The following GPR63 variants were observed in gnomAD, a reference collection of about 807,000 sequenced individuals.
GPR63 encodes G protein-coupled receptor 63.
In GPR63, 12 loss-of-function variants were observed where a neutral mutation model predicts 23.1. The ratio of observed to expected loss-of-function variants is 0.52; its 90% CI spans 0.33 to 0.84. The LOEUF (loss-of-function observed/expected upper bound fraction) is 0.84. GPR63 is among the 40% of genes least tolerant of loss of function. The probability of loss-of-function intolerance (pLI) is 0.02; values close to 1 mark genes in which losing one functional copy is unlikely to be tolerated. For missense variants in GPR63, 472 were observed against 515.6 expected (o/e 0.92, Z 0.82); for synonymous variants, 172 against 191.1 (o/e 0.90, Z 0.82).
chr6:96,805,095 T>TAC (rs1030454730), intron 1 of GPR63, among the ~76,000 whole-genome samples: 3 of 152,068 alleles, frequency 2.0e-5, no homozygotes, highest in South Asian at 2.1e-4. Context: ...TAAATATACA[T>TAC]ACACACACAC....
intron 1 of GPR63, among the ~76,000 whole-genome samples, chr6:96,806,053 C>T (rs1193440058): frequency 6.6e-6 from 1 of 152,200 alleles, no homozygotes; most frequent in Non-Finnish European, 1.5e-5. Context: ...TATCCTACCT[C>T]AGGGCTCTGT....
At chr6:96,830,495 T>C (rs1477629401) in intron 1 of GPR63, among the ~76,000 whole-genome samples, 1 of 152,102 alleles carries the variant, frequency 6.6e-6, no homozygotes, top group Non-Finnish European at 1.5e-5. Context: ...CTTATCCAAG[T>C]GCTAAAACAG....
intron 1 of GPR63, among the ~76,000 whole-genome samples, chr6:96,800,883 T>C (rs1352398645): frequency 6.6e-6 from 1 of 152,234 alleles, no homozygotes; most frequent in Non-Finnish European, 1.5e-5. Context: ...TCCAGAAAAC[T>C]TACAAACATA....
rs1335098278 is a variant in GPR63, at chr6:96,795,665, G to A, written c.*2807C>T. The A allele has an allele frequency of 2.0e-5, 3 of 152,218 alleles. No individual in the cohort carries two copies. Among genetic ancestry groups the A allele is most frequent in the East Asian group, 3.9e-4 (2 of 5,164 alleles). 9.4% of individuals were successfully genotyped at this position (152,218 alleles called of 1,614,324 possible). On this transcript the variant is annotated 3_prime_UTR_variant, in exon 2 of 2. Transcript: ENST00000229955. Reference sequence around the variant, plus strand: ...GCACTGCCTATTAAGCAGCATGAAAGTACCTAAAGACTGCCCATAAAACAG... The same window carrying A: ...GCACTGCCTATTAAGCAGCATGAAAATACCTAAAGACTGCCCATAAAACAG...
chr6:96,831,449 C>T (rs1181811444), intron 1 of GPR63, among the ~76,000 whole-genome samples: 3 of 148,926 alleles, frequency 2.0e-5, no homozygotes, highest in Admixed American at 6.7e-5. Flanking sequence ...AAAAAAAAAA[C>T]TGTAGAAGAT....
chr6:96,832,697 T>C (rs1041941068), intron 1 of GPR63, among the ~76,000 whole-genome samples: 4 of 152,036 alleles, frequency 2.6e-5, no homozygotes, highest in Admixed American at 2.0e-4. Context: ...CAAGGCTTAA[T>C]ATTTGGGTGA....
At chr6:96,815,568 T>C (rs1774144336) in intron 1 of GPR63, among the ~76,000 whole-genome samples, 1 of 152,206 alleles carries the variant, frequency 6.6e-6, no homozygotes. Context: ...ACAGATCTGA[T>C]ATTGTGTTCT....
intron 1 of GPR63, among the ~76,000 whole-genome samples, chr6:96,807,852 C>T (rs1194279665): frequency 6.6e-6 from 1 of 152,168 alleles, no homozygotes. Context: ...TTTAAAAATT[C>T]CACGGCAACT....
intron 1 of GPR63, among the ~76,000 whole-genome samples, chr6:96,833,995 C>T (rs1774657593): frequency 6.6e-6 from 1 of 152,150 alleles, no homozygotes; most frequent in Non-Finnish European, 1.5e-5. Context: ...TCCAACTTTT[C>T]TAACTCTTCA....
chr6:96,835,104 T>C (rs576879727), intron 1 of GPR63, among the ~76,000 whole-genome samples: 14 of 152,320 alleles, frequency 9.2e-5, no homozygotes, highest in Non-Finnish European at 1.2e-4. Flanking sequence ...TTTGAATAGA[T>C]AAATGTGGTT....
rs1349696023 is a variant in GPR63, at chr6:96,797,548, A to G, written c.*924T>C. The G allele has an allele frequency of 4.6e-5, 7 of 152,220 alleles. No individual in the cohort carries two copies. Among genetic ancestry groups the G allele is most frequent in the Non-Finnish European group, 1.0e-4 (7 of 68,060 alleles). 9.4% of individuals were successfully genotyped at this position (152,220 alleles called of 1,614,324 possible). On this transcript the variant is annotated 3_prime_UTR_variant, in exon 2 of 2. Transcript: ENST00000229955. ...TTCTTCACCTGTAAAAATGAAAACA[A>G]TAATACCTACCTCACAACATCCTGT... is the stretch of plus-strand genomic sequence containing the variant.
At chr6:96,808,204 T>C (rs889748870) in intron 1 of GPR63, among the ~76,000 whole-genome samples, 2 of 152,238 alleles carry the variant, frequency 1.3e-5, no homozygotes, top group African/African-American at 4.8e-5. Context: ...AATATTCATG[T>C]AAATGTAGGG....
intron 1 of GPR63, among the ~76,000 whole-genome samples, chr6:96,814,435 A>G (rs1229995191): frequency 6.6e-6 from 1 of 152,198 alleles, no homozygotes; most frequent in East Asian, 1.9e-4. Flanking sequence ...CTTAACATAT[A>G]TTATTGCTAA....
chr6:96,816,660 C>A (rs1774172372), intron 1 of GPR63, among the ~76,000 whole-genome samples: 3 of 152,122 alleles, frequency 2.0e-5, no homozygotes, highest in East Asian at 3.9e-4. Flanking sequence ...GAGGTTTTCT[C>A]AAGGCAGCTG....
At chr6:96,826,405 T>C (rs1774439609) in intron 1 of GPR63, among the ~76,000 whole-genome samples, 1 of 152,024 alleles carries the variant, frequency 6.6e-6, no homozygotes, top group Admixed American at 6.6e-5. Flanking sequence ...GACAACAACA[T>C]CATATACAGA....
At chr6:96,814,220 C>G (rs1410774586) in intron 1 of GPR63, among the ~76,000 whole-genome samples, 1 of 151,888 alleles carries the variant, frequency 6.6e-6, no homozygotes, top group Non-Finnish European at 1.5e-5. Context: ...GAAGCTGAGC[C>G]ACAAGGAAAC....
At position 96,798,503 on chromosome 6, in the gene GPR63, T is replaced by G; in HGVS notation, c.1229A>C (p.Tyr410Ser). The stretch of plus-strand genomic sequence containing the variant: ...CACCGTCCGATGTTCCCCACACACA[T>G]AGACAGCACTAGGACGTATCCGTCG... ...TKRRIRPSAVYVCGEHRTVV is the reference protein window; with the variant it reads ...TKRRIRPSAVSVCGEHRTVV The change falls in exon 2 of 2, where the codon TAT (tyrosine) becomes TCT (serine). Residue 410 changes from tyrosine to serine, a missense_variant. Transcript: ENST00000229955. 1 of 1,614,150 alleles carries G rather than the reference T, an allele frequency of 6.2e-7. No homozygotes were observed. Among genetic ancestry groups the G allele is most frequent in the South Asian group, 1.1e-5 (1 of 91,084 alleles).
chr6:96,817,305 T>C (rs1309009038), intron 1 of GPR63, among the ~76,000 whole-genome samples: 1 of 151,708 alleles, frequency 6.6e-6, no homozygotes, highest in Non-Finnish European at 1.5e-5. Flanking sequence ...CAAATAAAAA[T>C]CACAATAAAA....
At chr6:96,821,050 T>G (rs1774302247) in intron 1 of GPR63, among the ~76,000 whole-genome samples, 1 of 152,204 alleles carries the variant, frequency 6.6e-6, no homozygotes, top group African/African-American at 2.4e-5. Context: ...GTGCCCACCT[T>G]GGCAGTGGTC....
Sources: gnomAD v4.1 joint callset for allele counts (sites outside exome capture counted in the v4.1 genomes callset) on GRCh38, gnomAD v4.1.1 for gene constraint, MANE v1.5 for transcripts, NCBI Gene and HGNC (gene_info 2026-07-23, HGNC 2026-07-21) for gene names.